Variants in PLA2G12A observed in about 807,000 individuals in gnomAD.
PLA2G12A encodes phospholipase A2 group XIIA.
PLA2G12A carries 11 observed loss-of-function variants against 16.0 expected under a neutral mutation model. The ratio of observed to expected loss-of-function variants is 0.69; its 90% CI spans 0.43 to 1.13. The LOEUF is 1.13. PLA2G12A is among the 50% of genes most tolerant of loss of function. The probability of loss-of-function intolerance (pLI) is 0.00; values close to 1 mark genes in which losing one functional copy is unlikely to be tolerated. For synonymous variants in PLA2G12A, 77 were observed against 93.8 expected (o/e 0.82, Z 1.03); for missense variants, 214 against 237.3 (o/e 0.90, Z 0.65).
intron 1 of PLA2G12A, among the ~76,000 whole-genome samples, chr4:109,719,850 G>A (rs563319534): frequency 2.6e-5 from 4 of 152,254 alleles, no homozygotes; most frequent in East Asian, 1.9e-4. Context: ...ATATGGCACC[G>A]ATAGACTTGC....
At position 109,712,831 on chromosome 4, in the gene PLA2G12A, T is replaced by G. The variant is rs1730759732; in HGVS notation, c.*1546A>C. ...AATTATTAATAATGGCTTACAAAACTGTACCTTTTATAAAGGTTTGAAATA... is the reference window on the plus strand; with the variant it reads ...AATTATTAATAATGGCTTACAAAACGGTACCTTTTATAAAGGTTTGAAATA... On this transcript the variant is annotated 3_prime_UTR_variant, in exon 4 of 4. Coordinates refer to ENST00000243501, the MANE Select transcript of PLA2G12A (RefSeq NM_030821.5). The G allele has an allele frequency of 6.6e-6, 1 of 152,150 alleles. No individual in the cohort carries two copies. Among genetic ancestry groups the G allele is most frequent in the Admixed American group, 6.5e-5 (1 of 15,274 alleles). The allele number at this position is 152,150 out of a possible 1,614,324, so 9.4% of individuals were successfully genotyped here. A position where few individuals can be genotyped will look rare whatever the true frequency, so the allele number is the denominator to read the frequency against.
chr4:109,713,313 C>G lies in PLA2G12A; in HGVS notation c.*1064G>C, dbSNP rs944064291. On this transcript the variant is annotated 3_prime_UTR_variant, in exon 4 of 4. Transcript: ENST00000243501. ...CTGTTGAAGTTTTCTTGGATTTGCTCTAAACATATGGTAATAATTTTCAAT... is the reference window on the plus strand; with the variant it reads ...CTGTTGAAGTTTTCTTGGATTTGCTGTAAACATATGGTAATAATTTTCAAT... The G allele has an allele frequency of 1.1e-4, 16 of 152,164 alleles. 1 individual carries two copies. The highest frequency in any genetic ancestry group is 1.0e-3 in the Admixed American group (16 of 15,272). The allele number at this position is 152,164 out of a possible 1,614,324, so 9.4% of individuals were successfully genotyped here.
At chr4:109,728,976 C>A (rs927956994) in intron 1 of PLA2G12A, among the ~76,000 whole-genome samples, 38 of 152,132 alleles carry the variant, frequency 2.5e-4, no homozygotes, top group African/African-American at 8.7e-4. Flanking sequence ...AGAGAAAGTT[C>A]AAAAAATATT....
chr4:109,718,564 C>T lies in PLA2G12A; in HGVS notation c.285+119G>A, dbSNP rs371362196. 2,395 of 705,624 alleles carry T rather than the reference C, an allele frequency of 3.4e-3. 77 individuals are homozygous for T. The South Asian group carries it at 0.047, about 14-fold the overall frequency. 43.7% of individuals were successfully genotyped at this position (705,624 alleles called of 1,614,324 possible). A position where few individuals can be genotyped will look rare whatever the true frequency, so the allele number is the denominator to read the frequency against. ...CCAAAAAGAATCTAATAAACCTGAT[C>T]ACTCTTACACCCAGCTAAATTATTT... On this transcript the variant is annotated intron_variant, in intron 2 of 3. Transcript: ENST00000243501.
In PLA2G12A at chr4:109,730,051, C is replaced by G; in HGVS notation, c.-242G>C. On this transcript the variant is annotated 5_prime_UTR_variant, in exon 1 of 4. Transcript: ENST00000243501. Reference sequence around the variant, plus strand: ...GGACCAGCGCGCCCGCTCACCTGGGCCAGCAACCGTCCCCTGTGCGCCTGC... The same window carrying G: ...GGACCAGCGCGCCCGCTCACCTGGGGCAGCAACCGTCCCCTGTGCGCCTGC... The G allele has an allele frequency of 2.3e-6, 1 of 435,908 alleles. No individual in the cohort carries two copies. Among genetic ancestry groups the G allele is most frequent in the Non-Finnish European group, 4.0e-6 (1 of 247,506 alleles). 27.0% of individuals were successfully genotyped at this position (435,908 alleles called of 1,614,324 possible).
rs1264923584 is a variant in PLA2G12A, at chr4:109,712,784, C to T, written c.*1593G>A. 3.3e-5 allele frequency: 5 copies of T among 152,190 alleles called. No homozygotes were observed. The highest frequency in any genetic ancestry group is 1.2e-4 in the African/African-American group (5 of 41,434). 9.4% of individuals were successfully genotyped at this position (152,190 alleles called of 1,614,324 possible). ...GTGCTGGGATTATAGGTGTGAGCCA[C>T]TGTGCCCAGCCGATAAGCATTAATT... On this transcript the variant is annotated 3_prime_UTR_variant, in exon 4 of 4. Coordinates refer to ENST00000243501, the MANE Select transcript of PLA2G12A (RefSeq NM_030821.5).
At position 109,716,697 on chromosome 4, in the gene PLA2G12A, C is replaced by T. The variant is rs1407373832; in HGVS notation, c.451+851G>A. On this transcript the variant is annotated intron_variant, in intron 3 of 3. Coordinates refer to ENST00000243501, the MANE Select transcript of PLA2G12A (RefSeq NM_030821.5). The stretch of plus-strand genomic sequence containing the variant: ...CCTTTGCTAGTTTGGCTTTCTATCT[C>T]TTCACCATAATACCTCATGGCAGTG... Among the ~76,000 whole-genome samples, 7 of 152,304 alleles carry T rather than the reference C, an allele frequency of 4.6e-5. No individual in the cohort carries two copies. In the East Asian group the frequency reaches 1.3e-3, roughly 29 times the overall value.
At chr4:109,715,501 G>C (rs946601539) in intron 3 of PLA2G12A, among the ~76,000 whole-genome samples, 1 of 151,264 alleles carries the variant, frequency 6.6e-6, no homozygotes, top group Non-Finnish European at 1.5e-5. Flanking sequence ...ATTTTTTTGA[G>C]ACAAGGTCTC....
intron 3 of PLA2G12A, among the ~76,000 whole-genome samples, chr4:109,715,860 G>A (rs1730820997): frequency 6.6e-6 from 1 of 152,224 alleles, no homozygotes; most frequent in African/African-American, 2.4e-5. Context: ...ACATCCAGGT[G>A]AGATTATCTT....
intron 1 of PLA2G12A, among the ~76,000 whole-genome samples, chr4:109,720,247 T>TTA (rs981397472): frequency 2.6e-5 from 4 of 152,182 alleles, no homozygotes; most frequent in Non-Finnish European, 5.9e-5. Context: ...CCCAGGTATT[T>TTA]TACCCTAAGA....
intron 1 of PLA2G12A, among the ~76,000 whole-genome samples, chr4:109,724,455 T>A (rs1722889538): frequency 6.6e-6 from 1 of 152,042 alleles, no homozygotes; most frequent in South Asian, 2.1e-4. Context: ...CTTCCCTCAA[T>A]GTACATACAA....
chr4:109,723,450 G>A (rs1308393247), intron 1 of PLA2G12A, among the ~76,000 whole-genome samples: 3 of 152,136 alleles, frequency 2.0e-5, no homozygotes, highest in Non-Finnish European at 4.4e-5. Context: ...ATATTAATCA[G>A]GACAGAGGTC....
At chr4:109,726,566 C>T (rs77682565) in intron 1 of PLA2G12A, among the ~76,000 whole-genome samples, 3 of 152,190 alleles carry the variant, frequency 2.0e-5, no homozygotes, top group Admixed American at 2.0e-4. Flanking sequence ...CCCCCACTCC[C>T]TTGACCCCTT....
At chr4:109,718,579 C>T in intron 2 of PLA2G12A, 104 bp downstream of exon 2, 2 of 873,880 alleles carry the variant, frequency 2.3e-6, no homozygotes, top group Non-Finnish European at 3.6e-6. Context: ...TTACACCCAG[C>T]TAAATTATTT....
At chr4:109,720,925 G>A (rs1402457297) in intron 1 of PLA2G12A, among the ~76,000 whole-genome samples, 2 of 152,004 alleles carry the variant, frequency 1.3e-5, no homozygotes, top group African/African-American at 4.8e-5. Flanking sequence ...AAAATTAGCT[G>A]GGCAATGTGG....
intron 3 of PLA2G12A, among the ~76,000 whole-genome samples, chr4:109,714,966 T>A (rs934649983): frequency 1.3e-5 from 2 of 150,576 alleles, no homozygotes; most frequent in African/African-American, 2.5e-5. Flanking sequence ...TTTTTGTTTG[T>A]TTGTTTGTTT....
chr4:109,729,175 G>C (rs1722995235), intron 1 of PLA2G12A, among the ~76,000 whole-genome samples: 1 of 152,244 alleles, frequency 6.6e-6, no homozygotes, highest in South Asian at 2.1e-4. Context: ...ATCAATTATA[G>C]AGAAAGTTAA....
chr4:109,729,048 T>G (rs1467254296), intron 1 of PLA2G12A, among the ~76,000 whole-genome samples: 1 of 152,170 alleles, frequency 6.6e-6, no homozygotes, highest in Non-Finnish European at 1.5e-5. Context: ...GGCGGGTCAC[T>G]GATATCTAAG....
At chr4:109,724,701 G>T (rs150711500) in intron 1 of PLA2G12A, among the ~76,000 whole-genome samples, 1 of 152,152 alleles carries the variant, frequency 6.6e-6, no homozygotes, top group Non-Finnish European at 1.5e-5. Context: ...GCCCACCATA[G>T]GAGAGTAAAG....
Sources: allele counts gnomAD v4.1 joint callset (sites outside exome capture counted in the v4.1 genomes callset), GRCh38; gene constraint gnomAD v4.1.1; transcripts MANE v1.5; gene names NCBI Gene and HGNC (gene_info 2026-07-23, HGNC 2026-07-21).